PREPL: variants seen among roughly 807,000 people sequenced by gnomAD.
The protein encoded by PREPL is prolyl endopeptidase like, also known as prolyl endopeptidase-like.
PREPL carries 77 observed loss-of-function variants against 70.6 expected under a neutral mutation model. The ratio of observed to expected loss-of-function variants is 1.09; its 90% CI spans 0.91 to 1.32. PREPL has a LOEUF of 1.32. Among genes scored for constraint, PREPL ranks in the 40% most tolerant of loss-of-function variants. The pLI is 0.00. For synonymous variants in PREPL, 315 were observed against 264.8 expected (o/e 1.19, Z -1.84); for missense variants, 1,002 against 778.2 (o/e 1.29, Z -3.42).
intron 10 of PREPL, among the ~76,000 whole-genome samples, chr2:44,324,654 A>G (rs1673314864): frequency 6.6e-6 from 1 of 151,998 alleles, no homozygotes. Context: ...GAGGTGGGCA[A>G]ATCACTTGAG....
intron 1 of PREPL, among the ~76,000 whole-genome samples, chr2:44,354,668 G>A (rs1042847205): frequency 4.0e-5 from 6 of 151,854 alleles, no homozygotes; most frequent in Admixed American, 2.0e-4. Flanking sequence ...TCCACCTCCC[G>A]GGTTCAAGTG....
upstream of PREPL, chr2:44,361,801 A>G (rs1434597212): frequency 1.0e-6 from 1 of 962,730 alleles, no homozygotes; most frequent in East Asian, 3.3e-5. Flanking sequence ...GCTACCAGCA[A>G]GAATGGTGCA....
intron 1 of PREPL, among the ~76,000 whole-genome samples, chr2:44,353,071 ACT>A (rs1676620400): frequency 6.6e-6 from 1 of 151,838 alleles, no homozygotes; most frequent in African/African-American, 2.4e-5. Flanking sequence ...ACATAGCAAG[ACT>A]CTGTCTCTAT....
Position 44,323,333 on chromosome 2 carries a change from T to G in PREPL, c.1558A>C (p.Asn520His), listed in dbSNP as rs371835756. 1.9e-6 allele frequency: 3 copies of G among 1,603,012 alleles called. No homozygotes were observed. The highest frequency in any genetic ancestry group is 2.6e-6 in the Non-Finnish European group (3 of 1,170,368). ...LTLEELEEWGNPSSDEKHKNY... is the reference protein window; with the variant it reads ...LTLEELEEWGHPSSDEKHKNY... ...TTGTGTTTTTCATCAGATGAAGGAT[T>G]CCCCCATTCTTCTAATTCTTCTAAT... The change falls in exon 11 of 14, where the codon AAT (asparagine) becomes CAT (histidine). Residue 520 changes from asparagine to histidine, a missense_variant. Transcript: ENST00000409411.
At chr2:44,340,020 G>C (rs909805364) in intron 5 of PREPL, among the ~76,000 whole-genome samples, 3 of 151,782 alleles carry the variant, frequency 2.0e-5, no homozygotes, top group African/African-American at 7.3e-5. Context: ...TATTTCATGT[G>C]TGTCTTTAAA....
intron 1 of PREPL, among the ~76,000 whole-genome samples, chr2:44,356,565 AAAC>A (rs398042423): frequency 9.9e-5 from 15 of 151,566 alleles, no homozygotes; most frequent in Admixed American, 9.8e-4. Context: ...ACAAACAAAC[AAAC>A]AACAGATGTG....
chr2:44,325,822 T>C lies in PREPL; in HGVS notation c.1479+890A>G, dbSNP rs563313681. On this transcript the variant is annotated intron_variant, in intron 10 of 13. Transcript: ENST00000409411. Reference sequence around the variant, plus strand: ...TTACTCTCTCCCATCTCAGTCATTATTTTTCAGAGTAACCTAGAAGTAGGA... The same window carrying C: ...TTACTCTCTCCCATCTCAGTCATTACTTTTCAGAGTAACCTAGAAGTAGGA... 3.5e-3 allele frequency among the ~76,000 whole-genome samples: 539 copies of C among 152,308 alleles called. 2 individuals carry two copies. The highest frequency in any genetic ancestry group is 0.013 in the African/African-American group (522 of 41,560).
Position 44,340,927 on chromosome 2 carries a change from C to CAAAA in PREPL, c.485+1486_485+1489dup, listed in dbSNP as rs966745305. Among the ~76,000 whole-genome samples the CAAAA allele has an allele frequency of 5.3e-3, 520 of 97,940 alleles. 2 individuals are homozygous for CAAAA. Among genetic ancestry groups the CAAAA allele is most frequent in the African/African-American group, 0.017 (502 of 29,400 alleles). The allele number at this position is 97,940 out of a possible 152,430, so 64.3% of individuals were successfully genotyped here. A position where few individuals can be genotyped will look rare whatever the true frequency, so the allele number is the denominator to read the frequency against. Reference sequence around the variant, plus strand: ...TGGGTGACAGAGTGAGACTCTGTTTCAAAAAAAAAAAAAAAAAATTAAGAA... The same window carrying CAAAA: ...TGGGTGACAGAGTGAGACTCTGTTTCAAAAAAAAAAAAAAAAAAAAAATTAAGAA... On this transcript the variant is annotated intron_variant, in intron 5 of 13. Coordinates refer to ENST00000409411, the MANE Select transcript of PREPL (RefSeq NM_001171613.2).
Position 44,346,485 on chromosome 2 carries a change from G to C in PREPL, c.-48-95C>G, listed in dbSNP as rs698763. 4.5e-3 allele frequency: 4,941 copies of C among 1,101,300 alleles called. 190 individuals are homozygous for C. The African/African-American group carries it at 0.07, about 16-fold the overall frequency. 68.2% of individuals were successfully genotyped at this position (1,101,300 alleles called of 1,614,324 possible). A position where few individuals can be genotyped will look rare whatever the true frequency, so the allele number is the denominator to read the frequency against. On this transcript the variant is annotated intron_variant, in intron 1 of 13. Coordinates refer to ENST00000409411, the MANE Select transcript of PREPL (RefSeq NM_001171613.2). ...AGTAGGTCTATACCGTAGACTTAACGTTGTACAAAAAAGAAATAAGATTAA... is the reference window on the plus strand; with the variant it reads ...AGTAGGTCTATACCGTAGACTTAACCTTGTACAAAAAAGAAATAAGATTAA...
chr2:44,323,093 C>T (rs1378191769), intron 11 of PREPL, among the ~76,000 whole-genome samples, 169 bp downstream of exon 11: 1 of 151,988 alleles, frequency 6.6e-6, no homozygotes, highest in Non-Finnish European at 1.5e-5. Context: ...AAGTCTATTC[C>T]CCTGAGGTAT....
At chr2:44,355,751 T>TTA (rs112927329) in intron 1 of PREPL, among the ~76,000 whole-genome samples, 4,068 of 141,244 alleles carry the variant, frequency 0.029, 194 homozygotes, top group East Asian at 0.25. Context: ...AAACTACATA[T>TTA]TATATATATA....
chr2:44,339,117 CA>C (rs774738829), intron 6 of PREPL, 29 bp downstream of exon 6: 2 of 1,610,978 alleles, frequency 1.2e-6, no homozygotes, highest in Admixed American at 3.3e-5. Context: ...CTTAACAGCC[CA>C]AATAGGAACA....
intron 7 of PREPL, 148 bp from the exon 8 acceptor site, chr2:44,332,804 C>A: frequency 3.2e-6 from 2 of 619,286 alleles, no homozygotes; most frequent in South Asian, 4.7e-5. Flanking sequence ...ATTACTTTAT[C>A]ACAACAACAT....
Position 44,320,465 on chromosome 2 carries a change from C to T in PREPL, c.*891G>A. On this transcript the variant is annotated 3_prime_UTR_variant, in exon 14 of 14. Coordinates refer to ENST00000409411, the MANE Select transcript of PREPL (RefSeq NM_001171613.2). ...TAAGGTTAAGTACCAATTCTGCCGA[C>T]AAAGGCAGTAAAGTTGATACAAGTG... 1.2e-6 allele frequency: 2 copies of T among 1,614,122 alleles called. No homozygotes were observed. The highest frequency in any genetic ancestry group is 1.7e-6 in the Non-Finnish European group (2 of 1,179,972).
chr2:44,343,637 C>T lies in PREPL; in HGVS notation c.349+108G>A, dbSNP rs17580226. 622,009 of 939,794 alleles carry T rather than the reference C, an allele frequency of 0.66. 209,307 individuals are homozygous for T. Among genetic ancestry groups the T allele is most frequent in the African/African-American group, 0.74 (45,218 of 61,188 alleles). 58.2% of individuals were successfully genotyped at this position (939,794 alleles called of 1,614,324 possible). A position where few individuals can be genotyped will look rare whatever the true frequency, so the allele number is the denominator to read the frequency against. On this transcript the variant is annotated intron_variant, in intron 4 of 13. Coordinates refer to ENST00000409411, the MANE Select transcript of PREPL (RefSeq NM_001171613.2). ...GGAAGATGTATAGTCCATAGGGATA[C>T]ATGAATCAGGCATTCACCTTCTCCC...
At chr2:44,338,108 T>G (rs945384656) in intron 7 of PREPL, among the ~76,000 whole-genome samples, 2 of 152,158 alleles carry the variant, frequency 1.3e-5, no homozygotes, top group Non-Finnish European at 2.9e-5. Flanking sequence ...AGCACTCAAC[T>G]CTACTTGTGA....
chr2:44,334,737 T>A lies in PREPL; in HGVS notation c.889-2081A>T, dbSNP rs915633857. ...GTTTTTGTATTTTTAGTATTCTTTG[T>A]ATTTTATATTTTTTGTATTTTTAGT... On this transcript the variant is annotated intron_variant, in intron 7 of 13. Coordinates refer to ENST00000409411, the MANE Select transcript of PREPL (RefSeq NM_001171613.2). 2.6e-4 allele frequency among the ~76,000 whole-genome samples: 39 copies of A among 152,060 alleles called. 1 individual carries two copies. The highest frequency in any genetic ancestry group is 8.2e-4 in the African/African-American group (34 of 41,406).
At chr2:44,347,559 A>C (rs1558512931) in intron 1 of PREPL, among the ~76,000 whole-genome samples, 1 of 152,234 alleles carries the variant, frequency 6.6e-6, no homozygotes, top group Non-Finnish European at 1.5e-5. Context: ...AAGCAAATTA[A>C]TATCATATAA....
chr2:44,334,835 C>T (rs578004402), intron 7 of PREPL, among the ~76,000 whole-genome samples: 9 of 152,342 alleles, frequency 5.9e-5, no homozygotes, highest in African/African-American at 1.7e-4. Flanking sequence ...CTGCCTTGGT[C>T]TCCCAAAGTG....
Sources: allele counts gnomAD v4.1 joint callset (sites outside exome capture counted in the v4.1 genomes callset), GRCh38; gene constraint gnomAD v4.1.1; transcripts MANE v1.5; gene names NCBI Gene and HGNC (gene_info 2026-07-23, HGNC 2026-07-21).